Variants in CCDC33 observed in about 807,000 individuals in gnomAD.
CCDC33 encodes the protein coiled-coil domain-containing protein 33.
In CCDC33, 94 loss-of-function variants were observed where a neutral mutation model predicts 91.9. The observed-to-expected ratio is 1.02, with a 90% CI of 0.87 to 1.21. The LOEUF (loss-of-function observed/expected upper bound fraction) is 1.21. Ranked by LOEUF, CCDC33 falls within the 50% of genes most tolerant of loss-of-function variation. CCDC33 has a pLI of 0.00. For synonymous variants in CCDC33, 396 were observed against 374.5 expected (o/e 1.06, Z -0.66); for missense variants, 940 against 935.5 (o/e 1.00, Z -0.06).
intron 1 of CCDC33, among the ~76,000 whole-genome samples, chr15:74,242,379 C>T (rs2075377016): frequency 6.6e-6 from 1 of 152,236 alleles, no homozygotes; most frequent in Admixed American, 6.5e-5. Flanking sequence ...CAGAGCCCGT[C>T]CAGGGCCCAG....
At chr15:74,255,025 G>C (rs1330986696) in intron 2 of CCDC33, among the ~76,000 whole-genome samples, 1 of 152,066 alleles carries the variant, frequency 6.6e-6, no homozygotes, top group East Asian at 1.9e-4. Flanking sequence ...TGGAATTACA[G>C]GTGTGAGCCA....
chr15:74,267,137 C>G (rs4887125), intron 4 of CCDC33, among the ~76,000 whole-genome samples: 37,000 of 152,190 alleles, frequency 0.24, 5,073 homozygotes, highest in South Asian at 0.37. Context: ...GCTGCTTGCA[C>G]GCCCTGTGCT....
At chr15:74,211,404 T>C in intron 2 of CCDC33, among the ~76,000 whole-genome samples, 1 of 146,640 alleles carries the variant, frequency 6.8e-6, no homozygotes, top group Non-Finnish European at 1.5e-5. Flanking sequence ...TTTTTTTTTT[T>C]TTTTTTTTTT....
chr15:74,248,348 T>C (rs2075601636), intron 2 of CCDC33, among the ~76,000 whole-genome samples: 1 of 151,796 alleles, frequency 6.6e-6, no homozygotes, highest in Non-Finnish European at 1.5e-5. Context: ...TTACATTCTT[T>C]CCAAGCATTT....
intron 11 of CCDC33, 122 bp from the exon 12 acceptor site, chr15:74,330,067 C>T: frequency 8.6e-7 from 1 of 1,168,426 alleles, no homozygotes; most frequent in South Asian, 1.7e-5. Context: ...AGGGCCATGG[C>T]TTGGGGCTCC....
upstream of CCDC33, among the ~76,000 whole-genome samples, chr15:74,213,889 G>A (rs2074391046): frequency 6.6e-6 from 1 of 152,166 alleles, no homozygotes. Context: ...CAGTGGCCCA[G>A]GAGTCAGGAG....
rs989352832 is a variant in CCDC33 at position 74,218,899 on chromosome 15, C to T, written c.675+38C>T. ...CTGGTCCCAGTTCAGGTTCTGGGCT[C>T]ACCGGGTACAAGACCCAGCCTCCGT... On this transcript the variant is annotated intron_variant, in intron 2 of 2. Coordinates refer to the CCDC33 transcript ENST00000635913. The surrounding 1 kb of genome is among the most constrained non-coding windows in gnomAD (Gnocchi z 4.8). 22 of 1,202,544 alleles carry T rather than the reference C, an allele frequency of 1.8e-5. 1 individual carries two copies. In the East Asian group the frequency reaches 1.2e-3, roughly 66 times the overall value. 74.5% of individuals were successfully genotyped at this position (1,202,544 alleles called of 1,614,324 possible).
chr15:74,262,744 C>G (rs1229644833), intron 3 of CCDC33, among the ~76,000 whole-genome samples, 171 bp downstream of exon 3: 2 of 152,204 alleles, frequency 1.3e-5, no homozygotes, highest in African/African-American at 4.8e-5. Context: ...GCCTCATCTC[C>G]CCATCCTGCT....
At chr15:74,259,212 G>A (rs1031321900) in intron 2 of CCDC33, among the ~76,000 whole-genome samples, 1 of 152,006 alleles carries the variant, frequency 6.6e-6, no homozygotes, top group East Asian at 1.9e-4. Context: ...ACAGGGAGGG[G>A]GGTCTCTCCT....
chr15:74,249,674 AC>A (rs778299893), intron 2 of CCDC33, among the ~76,000 whole-genome samples: 10 of 152,154 alleles, frequency 6.6e-5, no homozygotes, highest in Non-Finnish European at 1.5e-5. Context: ...CCTATGAGGA[AC>A]CGGGGGAGAG....
At chr15:74,273,419 A>C (rs866490398) in intron 7 of CCDC33, among the ~76,000 whole-genome samples, 43 of 152,248 alleles carry the variant, frequency 2.8e-4, no homozygotes, top group South Asian at 4.1e-4. Context: ...CGAACTGTAC[A>C]TTAAAAATGG....
intron 5 of CCDC33, among the ~76,000 whole-genome samples, chr15:74,269,870 T>A (rs1184762418): frequency 6.6e-6 from 1 of 152,212 alleles, no homozygotes; most frequent in East Asian, 1.9e-4. Flanking sequence ...CAGGCTGTCA[T>A]GAGCAGGTGT....
rs367708328 is a variant in CCDC33 at position 74,272,649 on chromosome 15, A to G, written c.639-122A>G. 128 of 1,347,164 alleles carry G rather than the reference A, an allele frequency of 9.5e-5. No homozygotes were observed. The East Asian group carries it at 2.1e-3, about 22-fold the overall frequency. The allele number at this position is 1,347,164 out of a possible 1,614,324, so 83.5% of individuals were successfully genotyped here. On this transcript the variant is annotated intron_variant, in intron 6 of 18. Transcript: ENST00000398814. Reference sequence around the variant, plus strand: ...CACTTGTCGTGAGGTCCAGGCCCGAACTCGGCGGGATCCCTGCAACTCCCT... The same window carrying G: ...CACTTGTCGTGAGGTCCAGGCCCGAGCTCGGCGGGATCCCTGCAACTCCCT...
intron 11 of CCDC33, among the ~76,000 whole-genome samples, chr15:74,314,219 A>G (rs983684818): frequency 2.6e-5 from 4 of 152,182 alleles, no homozygotes; most frequent in East Asian, 1.9e-4. Context: ...CTGATTTACT[A>G]TGCCACACTG....
intron 10 of CCDC33, among the ~76,000 whole-genome samples, chr15:74,285,846 A>G (rs766257648): frequency 4.6e-5 from 7 of 152,194 alleles, no homozygotes; most frequent in Non-Finnish European, 7.3e-5. Context: ...AGATCACACA[A>G]AAACTAGAAA....
chr15:74,275,345 G>T (rs978219538), intron 7 of CCDC33, among the ~76,000 whole-genome samples: 3 of 152,200 alleles, frequency 2.0e-5, no homozygotes, highest in African/African-American at 7.2e-5. Context: ...CAGGGTCCAA[G>T]GTAAATGGGT....
intron 11 of CCDC33, among the ~76,000 whole-genome samples, chr15:74,317,078 G>C (rs1182385298): frequency 1.3e-5 from 2 of 152,174 alleles, no homozygotes; most frequent in Non-Finnish European, 2.9e-5. Flanking sequence ...AAGTGGAGTG[G>C]GCCAGGTGCA....
chr15:74,299,235 G>A (rs1036409677), intron 11 of CCDC33, among the ~76,000 whole-genome samples: 13 of 152,178 alleles, frequency 8.5e-5, no homozygotes, highest in Admixed American at 3.9e-4. Flanking sequence ...TCATTCACCC[G>A]GAGAGAGTGT....
intron 11 of CCDC33, among the ~76,000 whole-genome samples, chr15:74,328,458 G>A (rs1239863855): frequency 6.6e-6 from 1 of 152,208 alleles, no homozygotes; most frequent in Non-Finnish European, 1.5e-5. Flanking sequence ...CACTGCATGT[G>A]AGTGGCCAAG....
Sources: gnomAD v4.1 joint callset for allele counts (sites outside exome capture counted in the v4.1 genomes callset) on GRCh38, gnomAD v4.1.1 for gene constraint, Gnocchi (gnomAD v3.1) non-coding constraint, MANE v1.5 for transcripts, NCBI Gene and HGNC (gene_info 2026-07-23, HGNC 2026-07-21) for gene names.